The following DNA2 variants were observed in gnomAD, a reference collection of about 807,000 sequenced individuals.
DNA2 encodes the protein DNA replication helicase/nuclease 2.
DNA2 carries 101 observed loss-of-function variants against 119.1 expected under a neutral mutation model. The ratio of observed to expected loss-of-function variants is 0.85; its 90% CI spans 0.72 to 1.00. The LOEUF (loss-of-function observed/expected upper bound fraction) is 1.00, where lower values mean the gene tolerates loss of function less well. DNA2 is among the 50% of genes least tolerant of loss of function. The pLI, the probability that DNA2 is intolerant of heterozygous loss-of-function variation, is 0.00. For missense variants in DNA2, 1,121 were observed against 1,255.5 expected, an observed-to-expected ratio of 0.89 and a Z score of 1.62; for synonymous variants, 366 against 424.4, an observed-to-expected ratio of 0.86 and a Z score of 1.69.
At chr10:68,451,586 A>G (rs2052118546) in intron 5 of DNA2, among the ~76,000 whole-genome samples, 1 of 141,358 alleles carries the variant, frequency 7.1e-6, no homozygotes, top group Non-Finnish European at 1.5e-5. Context: ...AATCTAGTGG[A>G]AATCTTACAT....
In DNA2 at chr10:68,445,228, G is replaced by A. The variant is rs970877423; in HGVS notation, c.1058-145C>T. On this transcript the variant is annotated intron_variant, in intron 7 of 20. Coordinates refer to ENST00000358410, the MANE Select transcript of DNA2 (RefSeq NM_001080449.3). ...GCCTGTAATCCCAACACTTGGGGAG[G>A]CTGAGGTGGGCGGATCACCTGAGGT... The A allele has an allele frequency of 1.1e-5, 8 of 734,624 alleles. No homozygotes were observed. The African/African-American group carries it at 1.4e-4, about 13-fold the overall frequency. The allele number at this position is 734,624 out of a possible 1,614,324, so 45.5% of individuals were successfully genotyped here.
chr10:68,446,150 T>C (rs2052036166), intron 7 of DNA2, 146 bp downstream of exon 7: 2 of 577,778 alleles, frequency 3.5e-6, no homozygotes, highest in Non-Finnish European at 3.0e-6. Flanking sequence ...AACACACACA[T>C]AAAAAACAAC....
chr10:68,427,911 T>C (rs1179750746), intron 14 of DNA2, among the ~76,000 whole-genome samples: 1 of 151,754 alleles, frequency 6.6e-6, no homozygotes, highest in Non-Finnish European at 1.5e-5. Flanking sequence ...CGCATGCCTG[T>C]AATCCTAGCT....
intron 10 of DNA2, among the ~76,000 whole-genome samples, chr10:68,433,648 G>A (rs919605126): frequency 6.6e-6 from 1 of 152,060 alleles, no homozygotes; most frequent in Admixed American, 6.6e-5. Context: ...TCTCACCGCA[G>A]CCCCCTGAGT....
chr10:68,464,850 A>C (rs1236348394), intron 4 of DNA2, among the ~76,000 whole-genome samples: 2 of 149,920 alleles, frequency 1.3e-5, no homozygotes, highest in Non-Finnish European at 3.0e-5. Context: ...AAAAAAAAAA[A>C]AAAAAAAACT....
At chr10:68,461,629 G>C (rs2052260005) in intron 4 of DNA2, 1 of 152,120 alleles carries the variant, frequency 6.6e-6, no homozygotes, top group Admixed American at 6.6e-5. Flanking sequence ...GGGAGTTTGA[G>C]ATCAGCCTGA....
At chr10:68,470,841 A>G (rs2052374743) in intron 1 of DNA2, among the ~76,000 whole-genome samples, 1 of 152,180 alleles carries the variant, frequency 6.6e-6, no homozygotes, top group Non-Finnish European at 1.5e-5. Context: ...CAACCTGCTA[A>G]AGTAATGCCG....
intron 14 of DNA2, chr10:68,424,463 C>T (rs977089271): frequency 1.1e-5 from 6 of 558,534 alleles, no homozygotes; most frequent in Middle Eastern, 1.1e-3. Flanking sequence ...TTGATCATGC[C>T]ACTGAACTCC....
intron 14 of DNA2, among the ~76,000 whole-genome samples, chr10:68,428,580 A>G (rs534412355): frequency 1.3e-5 from 2 of 152,370 alleles, no homozygotes; most frequent in African/African-American, 4.8e-5. Context: ...CCAGATTTTC[A>G]GAGGGTGAAT....
At chr10:68,465,036 T>G (rs2052310807) in intron 4 of DNA2, among the ~76,000 whole-genome samples, 1 of 147,070 alleles carries the variant, frequency 6.8e-6, no homozygotes, top group Non-Finnish European at 1.5e-5. Flanking sequence ...TTTTTTTTTT[T>G]GAGATGGAGT....
intron 19 of DNA2, 23 bp downstream of exon 19, chr10:68,419,011 A>G (rs780291036): frequency 1.3e-6 from 2 of 1,557,792 alleles, no homozygotes; most frequent in Non-Finnish European, 1.7e-6. Flanking sequence ...CAAATGAATC[A>G]GTAGCAAACA....
intron 20 of DNA2, among the ~76,000 whole-genome samples, chr10:68,415,746 C>T (rs1261314300): frequency 4.6e-5 from 7 of 151,108 alleles, no homozygotes; most frequent in African/African-American, 1.5e-4. Context: ...CTCCGCCTCC[C>T]GGGTGCAAGC....
At chr10:68,447,119 C>T (rs764215213) in intron 6 of DNA2, among the ~76,000 whole-genome samples, 1 of 151,990 alleles carries the variant, frequency 6.6e-6, no homozygotes, top group Admixed American at 6.6e-5. Flanking sequence ...AATCCATGAA[C>T]GTATACACCT....
intron 9 of DNA2, 39 bp downstream of exon 9, chr10:68,442,877 CA>C: frequency 6.6e-7 from 1 of 1,518,660 alleles, no homozygotes; most frequent in Non-Finnish European, 8.9e-7. Context: ...TTCACTAATC[CA>C]AACTACTGAA....
chr10:68,425,151 G>C (rs2051721936), intron 14 of DNA2, among the ~76,000 whole-genome samples: 1 of 135,566 alleles, frequency 7.4e-6, no homozygotes, highest in Non-Finnish European at 1.5e-5. Context: ...CTGGAGTGCA[G>C]TGGCATTATC....
At chr10:68,423,433 G>T (rs990905575) in intron 14 of DNA2, among the ~76,000 whole-genome samples, 1 of 152,140 alleles carries the variant, frequency 6.6e-6, no homozygotes, top group South Asian at 2.1e-4. Context: ...AAGGAGCCAC[G>T]GCACACCAGT....
intron 5 of DNA2, among the ~76,000 whole-genome samples, chr10:68,451,739 T>C (rs1224345907): frequency 6.6e-6 from 1 of 152,016 alleles, no homozygotes; most frequent in Non-Finnish European, 1.5e-5. Flanking sequence ...CTATTTCTTT[T>C]TTTGGACAGC....
chr10:68,433,631 G>T (rs917146120), intron 10 of DNA2, among the ~76,000 whole-genome samples: 3 of 152,124 alleles, frequency 2.0e-5, no homozygotes, highest in Admixed American at 6.6e-5. Context: ...CTGAGCTCAA[G>T]CTGTTATCTC....
At chr10:68,427,549 T>G (rs938338066) in intron 14 of DNA2, among the ~76,000 whole-genome samples, 1 of 151,536 alleles carries the variant, frequency 6.6e-6, no homozygotes, top group Admixed American at 6.6e-5. Flanking sequence ...CTCAGGAGGC[T>G]GAGGCAGAAA....
Sources: allele counts gnomAD v4.1 joint callset (sites outside exome capture counted in the v4.1 genomes callset), GRCh38; gene constraint gnomAD v4.1.1; transcripts MANE v1.5; gene names NCBI Gene and HGNC (gene_info 2026-07-23, HGNC 2026-07-21).